The following TTC3 variants were observed in gnomAD, a reference collection of about 807,000 sequenced individuals.
TTC3 encodes tetratricopeptide repeat domain 3.
Under a neutral mutation model 249.6 loss-of-function variants are expected in TTC3, and 180 were observed. The observed-to-expected ratio is 0.72, with a 90% CI of 0.64 to 0.82. TTC3 has a LOEUF of 0.82. Among genes scored for constraint, TTC3 ranks in the 40% least tolerant of loss-of-function variants. The pLI, the probability that TTC3 is intolerant of heterozygous loss-of-function variation, is 0.00. For synonymous variants in TTC3, 717 were observed against 805.0 expected (o/e 0.89, Z 1.85); for missense variants, 2,061 against 2,398.4 (o/e 0.86, Z 2.94).
intron 13 of TTC3, 30 bp downstream of exon 13, chr21:37,123,058 C>T: frequency 6.3e-7 from 1 of 1,599,218 alleles, no homozygotes; most frequent in Non-Finnish European, 8.6e-7. Flanking sequence ...GTAGCTGCTA[C>T]TACTAGGAAT....
intron 10 of TTC3, among the ~76,000 whole-genome samples, chr21:37,107,410 G>A (rs937893978): frequency 1.4e-4 from 22 of 152,154 alleles, no homozygotes; most frequent in Admixed American, 6.5e-5. Flanking sequence ...GTGCAGTGAT[G>A]GGTGGCTGAG....
At chr21:37,156,549 A>G (rs2080107103) in intron 27 of TTC3, 106 bp from the exon 28 acceptor site, 8 of 1,414,242 alleles carry the variant, frequency 5.7e-6, no homozygotes, top group Non-Finnish European at 7.6e-6. Flanking sequence ...TTTGCTGAGA[A>G]TATAAGCAAA....
intron 11 of TTC3, among the ~76,000 whole-genome samples, chr21:37,117,763 G>T (rs1264633895): frequency 6.6e-6 from 1 of 150,676 alleles, no homozygotes; most frequent in African/African-American, 2.4e-5. Flanking sequence ...CCAGCTACTT[G>T]GGAGGCTAAG....
chr21:37,172,408 A>C (rs1242736115), intron 34 of TTC3, among the ~76,000 whole-genome samples, 187 bp from the exon 35 acceptor site: 1 of 152,242 alleles, frequency 6.6e-6, no homozygotes, highest in Non-Finnish European at 1.5e-5. Flanking sequence ...GATTATATTT[A>C]TAAAAGTGCT....
intron 21 of TTC3, among the ~76,000 whole-genome samples, chr21:37,145,919 T>C (rs566282720): frequency 1.3e-5 from 2 of 152,326 alleles, no homozygotes; most frequent in East Asian, 1.9e-4. Context: ...CACCTCCCAC[T>C]GTGCCTCACC....
intron 19 of TTC3, among the ~76,000 whole-genome samples, chr21:37,138,982 C>G (rs2078197311): frequency 6.6e-6 from 1 of 152,050 alleles, no homozygotes; most frequent in Admixed American, 6.6e-5. Context: ...GAAACATAAT[C>G]TTGAGGGAAA....
chr21:37,138,760 A>C (rs1226312832), intron 19 of TTC3, 46 bp downstream of exon 19: 1 of 1,298,538 alleles, frequency 7.7e-7, no homozygotes. Flanking sequence ...TGATATTGAC[A>C]TATCTTATAA....
rs755114468 is a variant in TTC3 at position 37,166,453 on chromosome 21, A to G, written c.4239A>G (p.Ile1413Met). 17 of 1,614,210 alleles carry G rather than the reference A, an allele frequency of 1.1e-5. No individual in the cohort carries two copies. The South Asian group carries it at 1.9e-4, about 18-fold the overall frequency. Residue 1413 changes from isoleucine (I) to methionine (M), a missense_variant, in exon 33 of 46, where the codon ATA becomes ATG. Around this residue, in one of 3 missense-constraint regions of TTC3, gnomAD observed 1,040 missense variants for 1,186.1 expected, o/e 0.88. Coordinates refer to ENST00000355666, the Ensembl canonical transcript of TTC3. ...AGATCCTTGAGGGCTCTTTGGGAAT[A>G]TCTGTAAAGTCACACTGCAGCACAG...
chr21:37,152,491 A>G (rs1228575985), intron 26 of TTC3, among the ~76,000 whole-genome samples: 1 of 148,500 alleles, frequency 6.7e-6, no homozygotes, highest in Non-Finnish European at 1.5e-5. Flanking sequence ...GGTTCACGCC[A>G]TTCTCCTGCC....
At chr21:37,150,243 T>G in intron 24 of TTC3, 73 bp downstream of exon 24, 1 of 1,055,936 alleles carries the variant, frequency 9.5e-7, no homozygotes, top group Non-Finnish European at 1.4e-6. Context: ...TGATTTGAAT[T>G]TGTAGATATC....
intron 1 of TTC3, among the ~76,000 whole-genome samples, chr21:37,075,447 G>A (rs1485272616): frequency 6.6e-6 from 1 of 152,226 alleles, no homozygotes; most frequent in Non-Finnish European, 1.5e-5. Flanking sequence ...TTGCCGGATT[G>A]TAGGCTATGT....
At chr21:37,159,845 A>G in intron 29 of TTC3, 100 bp downstream of exon 29, 5 of 1,123,546 alleles carry the variant, frequency 4.5e-6, no homozygotes, top group Non-Finnish European at 6.7e-6. Context: ...CACAGCCAGC[A>G]TTCAAGAACC....
intron 13 of TTC3, 149 bp downstream of exon 13, chr21:37,123,177 C>A: frequency 1.3e-6 from 1 of 777,872 alleles, no homozygotes; most frequent in Non-Finnish European, 2.1e-6. Context: ...TTTAAGTGTC[C>A]GTGTTATCAG....
intron 28 of TTC3, among the ~76,000 whole-genome samples, chr21:37,157,849 C>T (rs1447021742): frequency 6.6e-6 from 1 of 152,062 alleles, no homozygotes; most frequent in African/African-American, 2.4e-5. Flanking sequence ...TTATAATATT[C>T]CTAGATTCTA....
chr21:37,178,825 T>C (rs924546833), intron 35 of TTC3, among the ~76,000 whole-genome samples: 9 of 152,022 alleles, frequency 5.9e-5, no homozygotes, highest in African/African-American at 2.2e-4. Context: ...CCAGGCATGA[T>C]AGTACGCACC....
chr21:37,180,493 A>T (rs1040929848), intron 35 of TTC3, among the ~76,000 whole-genome samples: 1 of 151,012 alleles, frequency 6.6e-6, no homozygotes, highest in Non-Finnish European at 1.5e-5. Flanking sequence ...CATCATTCTC[A>T]GTAAACTATC....
chr21:37,183,627 G>A (rs1056713137), intron 36 of TTC3, among the ~76,000 whole-genome samples: 1 of 152,130 alleles, frequency 6.6e-6, no homozygotes, highest in African/African-American at 2.4e-5. Flanking sequence ...GAATTTAGCT[G>A]GGTGATGACT....
At chr21:37,097,711 A>C (rs1450262448) in intron 10 of TTC3, among the ~76,000 whole-genome samples, 18 of 152,166 alleles carry the variant, frequency 1.2e-4, no homozygotes, top group Non-Finnish European at 1.5e-5. Flanking sequence ...TATCTTATGC[A>C]TAGCAAAAAA....
Position 37,195,666 on chromosome 21 carries a change from T to C in TTC3, c.5218-9T>C, listed in dbSNP as rs373404501. 1 of 1,593,756 alleles carries C rather than the reference T, an allele frequency of 6.3e-7. No individual in the cohort carries two copies. The highest frequency in any genetic ancestry group is 8.6e-7 in the Non-Finnish European group (1 of 1,169,410). On this transcript the variant is annotated splice_polypyrimidine_tract_variant and intron_variant, in intron 41 of 45. Transcript: ENST00000355666. ...CTAAGTGATCCATGGTGTGGTGTGT[T>C]CCTCACAGGTTCATCCCGAGTTACT...
Sources: allele counts gnomAD v4.1 joint callset (sites outside exome capture counted in the v4.1 genomes callset), GRCh38; gene constraint gnomAD v4.1.1; regional missense constraint gnomAD v4.1.1; transcripts MANE v1.5; gene names NCBI Gene and HGNC (gene_info 2026-07-23, HGNC 2026-07-21).